The following NBAS variants were observed in gnomAD, a reference collection of about 807,000 sequenced individuals.
The protein encoded by NBAS is NAG/BC035112 fusion.
NBAS carries 219 observed loss-of-function variants against 302.5 expected under a neutral mutation model. The observed-to-expected ratio is 0.72, with a 90% confidence interval of 0.65 to 0.81. The LOEUF (loss-of-function observed/expected upper bound fraction) is 0.81, where lower values mean the gene tolerates loss of function less well. Ranked by LOEUF, NBAS falls within the 30% of genes least tolerant of loss-of-function variation. The probability of loss-of-function intolerance (pLI) is 0.00; values close to 1 mark genes in which losing one functional copy is unlikely to be tolerated. For missense variants in NBAS, 2,932 were observed against 2,841.6 expected (o/e 1.03, Z -0.72); for synonymous variants, 1,118 against 1,021.6 (o/e 1.09, Z -1.80).
the NBAS span, among the ~76,000 whole-genome samples, chr2:15,118,920 A>G: frequency 1.3e-5 from 2 of 152,234 alleles, no homozygotes; most frequent in African/African-American, 2.4e-5. Flanking sequence ...ACAACTAAAC[A>G]ACTAAACATA....
the NBAS span, among the ~76,000 whole-genome samples, chr2:14,881,111 A>T: frequency 6.6e-6 from 1 of 152,210 alleles, no homozygotes; most frequent in Non-Finnish European, 1.5e-5. Flanking sequence ...AGTGAATTGG[A>T]TAAAGGAAAT....
intron 21 of NBAS, among the ~76,000 whole-genome samples, chr2:15,429,856 TA>T (rs1217422112): frequency 6.6e-6 from 1 of 152,140 alleles, no homozygotes; most frequent in East Asian, 1.9e-4. Context: ...TGTCACCAAA[TA>T]AAAAACTATT....
the NBAS span, among the ~76,000 whole-genome samples, chr2:14,852,540 A>G: frequency 5.6e-5 from 6 of 107,764 alleles, 3 homozygotes; most frequent in East Asian, 4.8e-4. Context: ...CAAGCTACCA[A>G]TGACTTTCTT....
intron 9 of NBAS, among the ~76,000 whole-genome samples, chr2:15,525,357 T>A (rs1275469121): frequency 2.0e-5 from 3 of 152,154 alleles, no homozygotes; most frequent in African/African-American, 7.2e-5. Context: ...CTGTGCCCAG[T>A]ACAGTGCCAG....
At chr2:15,450,625 T>G (rs561561163) in intron 21 of NBAS, among the ~76,000 whole-genome samples, 1 of 152,314 alleles carries the variant, frequency 6.6e-6, no homozygotes, top group East Asian at 1.9e-4. Flanking sequence ...TTCTATTTAT[T>G]TACTGAATCA....
At chr2:14,821,997 C>A in the NBAS span, among the ~76,000 whole-genome samples, 5 of 152,002 alleles carry the variant, frequency 3.3e-5, no homozygotes, top group Non-Finnish European at 7.4e-5. Flanking sequence ...TGCACCACTG[C>A]ACTCCAGCCT....
chr2:15,179,214 T>A, intron 50 of NBAS, 98 bp from the exon 51 acceptor site: 5 of 930,252 alleles, frequency 5.4e-6, no homozygotes, highest in Non-Finnish European at 7.4e-6. Flanking sequence ...TGTGGTAGCG[T>A]GTGTGTGTGT....
At chr2:15,416,008 G>T (rs1340524944) in intron 24 of NBAS, among the ~76,000 whole-genome samples, 1 of 152,054 alleles carries the variant, frequency 6.6e-6, no homozygotes, top group East Asian at 1.9e-4. Context: ...CCTAAGCTCA[G>T]CTCTAGAAAA....
chr2:15,207,614 G>C (rs1268826656), intron 48 of NBAS, among the ~76,000 whole-genome samples: 1 of 152,168 alleles, frequency 6.6e-6, no homozygotes, highest in African/African-American at 2.4e-5. Flanking sequence ...TGGCTTGATG[G>C]GAGGTGACTG....
At chr2:14,975,868 C>G in the NBAS span, among the ~76,000 whole-genome samples, 2 of 151,836 alleles carry the variant, frequency 1.3e-5, no homozygotes, top group African/African-American at 4.8e-5. Flanking sequence ...TTTTTCAATT[C>G]AAGACAGCAA....
At chr2:15,000,187 C>T in the NBAS span, among the ~76,000 whole-genome samples, 1 of 152,214 alleles carries the variant, frequency 6.6e-6, no homozygotes, top group African/African-American at 2.4e-5. Flanking sequence ...CTGGCTTAAT[C>T]TCACTGGGCT....
intron 30 of NBAS, among the ~76,000 whole-genome samples, chr2:15,375,061 CA>C (rs1035040015): frequency 4.0e-5 from 6 of 151,598 alleles, no homozygotes; most frequent in African/African-American, 7.2e-5. Context: ...GATTCTATTA[CA>C]AAAAAAAATT....
At chr2:15,276,570 T>C (rs532851484) in intron 43 of NBAS, among the ~76,000 whole-genome samples, 3 of 152,286 alleles carry the variant, frequency 2.0e-5, no homozygotes, top group Non-Finnish European at 1.5e-5. Context: ...ATGGGAGTAG[T>C]GAAAAAATCC....
the NBAS span, among the ~76,000 whole-genome samples, chr2:14,984,292 C>T: frequency 6.6e-6 from 1 of 152,136 alleles, no homozygotes; most frequent in African/African-American, 2.4e-5. Context: ...TCACTACCTC[C>T]TTATGGGCAC....
chr2:15,022,338 A>G, the NBAS span, among the ~76,000 whole-genome samples: 2 of 152,178 alleles, frequency 1.3e-5, no homozygotes, highest in Non-Finnish European at 2.9e-5. Flanking sequence ...CTTCACTACT[A>G]TCTAAGACGG....
At chr2:14,790,314 G>C in the NBAS span, among the ~76,000 whole-genome samples, 22 of 152,296 alleles carry the variant, frequency 1.4e-4, no homozygotes, top group African/African-American at 5.3e-4. Context: ...GTCTCATCCA[G>C]TTCTGAGATT....
At chr2:15,034,227 A>AG in the NBAS span, among the ~76,000 whole-genome samples, 10,496 of 73,934 alleles carry the variant, frequency 0.14, 1,443 homozygotes, top group Non-Finnish European at 0.16. Context: ...AGAGAGGGAA[A>AG]GAAAGAAGGA....
rs1210321900 is a variant in NBAS at position 15,275,736 on chromosome 2, C to A, written c.5472G>T (p.Leu1824Phe). ...LEPVLSSQNI[L>F]SISKLVPKIP... Reference sequence around the variant, plus strand: ...TTTTGGGAACAAGTTTGGAAATAGACAAGATATTTTGACTTGAAAGAACTG... The same window carrying A: ...TTTTGGGAACAAGTTTGGAAATAGAAAAGATATTTTGACTTGAAAGAACTG... Residue 1824 changes from leucine to phenylalanine, a missense_variant, in exon 44 of 52, where the codon TTG (leucine) becomes TTT (phenylalanine). Transcript: ENST00000281513. The A allele has an allele frequency of 6.2e-7, 1 of 1,614,064 alleles. No individual in the cohort carries two copies. The highest frequency in any genetic ancestry group is 2.2e-5 in the East Asian group (1 of 44,888).
intron 32 of NBAS, among the ~76,000 whole-genome samples, chr2:15,359,115 C>T (rs565831291): frequency 6.6e-6 from 1 of 152,286 alleles, no homozygotes; most frequent in African/African-American, 2.4e-5. Context: ...TCTATACTTT[C>T]CCACTGAAGC....
Sources: allele counts gnomAD v4.1 joint callset (sites outside exome capture counted in the v4.1 genomes callset), GRCh38; gene constraint gnomAD v4.1.1; transcripts MANE v1.5; gene names NCBI Gene and HGNC (gene_info 2026-07-23, HGNC 2026-07-21).